SYNPO2: variants seen among roughly 807,000 people sequenced by gnomAD.
The protein encoded by SYNPO2 is synaptopodin-2.
Under a neutral mutation model 85.0 loss-of-function variants are expected in SYNPO2, and 56 were observed. The observed-to-expected ratio is 0.66, with a 90% CI of 0.53 to 0.82. The LOEUF is 0.82. Among genes scored for constraint, SYNPO2 ranks in the 40% least tolerant of loss-of-function variants. The probability of loss-of-function intolerance (pLI) is 0.00; values close to 1 mark genes in which losing one functional copy is unlikely to be tolerated. For missense variants in SYNPO2, 1,575 were observed against 1,534.2 expected, an observed-to-expected ratio of 1.03 and a Z score of -0.44; for synonymous variants, 602 against 591.1, an observed-to-expected ratio of 1.02 and a Z score of -0.27.
At chr4:118,916,265 T>G (rs1016405732) in intron 1 of SYNPO2, among the ~76,000 whole-genome samples, 3 of 151,912 alleles carry the variant, frequency 2.0e-5, no homozygotes, top group African/African-American at 4.8e-5. Flanking sequence ...CTCAACCTGC[T>G]GGGCTCAAGT....
At chr4:118,948,517 A>G (rs1734580740) in intron 1 of SYNPO2, among the ~76,000 whole-genome samples, 1 of 152,192 alleles carries the variant, frequency 6.6e-6, no homozygotes, top group Non-Finnish European at 1.5e-5. Flanking sequence ...TGGATAATTT[A>G]TAAAGAAAAG....
chr4:118,885,469 C>CTTTTTTTT (rs200816127), upstream of SYNPO2, among the ~76,000 whole-genome samples: 2 of 140,932 alleles, frequency 1.4e-5, no homozygotes, highest in Non-Finnish European at 1.5e-5. Context: ...ATCCATAGGT[C>CTTTTTTTT]TTTTTTTTTT....
At chr4:118,963,717 T>C (rs1735192728) in intron 1 of SYNPO2, among the ~76,000 whole-genome samples, 1 of 152,220 alleles carries the variant, frequency 6.6e-6, no homozygotes, top group African/African-American at 2.4e-5. Context: ...TTTTTAAAAA[T>C]TAGTTTTAGT....
At chr4:118,866,691 A>G (rs1435076655) in intron 1 of SYNPO2, among the ~76,000 whole-genome samples, 1 of 152,140 alleles carries the variant, frequency 6.6e-6, no homozygotes, top group African/African-American at 2.4e-5. Flanking sequence ...TTCTCATGAT[A>G]GAGTTTCCAC....
In SYNPO2 at chr4:119,027,098, G is replaced by T; in HGVS notation, c.729G>T (p.Ser243=). 6.2e-7 allele frequency: 1 copy of T among 1,614,054 alleles called. No individual in the cohort carries two copies. Among genetic ancestry groups the T allele is most frequent in the Admixed American group, 1.7e-5 (1 of 60,006 alleles). The change falls in exon 3 of 5, where the codon TCG becomes TCT. Residue 243 remains serine, a synonymous_variant. Transcript: ENST00000307142. ...ATGACAGGATTGTCCACATAAATTC[G>T]ATCCCTACTAATGAGAAAGCAGACC... The part of the protein sequence containing the change: ...LSHDRIVHIN[S]IPTNEKADPF...
intron 4 of SYNPO2, chr4:119,033,159 T>A: frequency 3.0e-6 from 3 of 985,434 alleles, no homozygotes; most frequent in Non-Finnish European, 3.6e-6. Context: ...GGGCTGATTG[T>A]GAAGCACGAG....
At chr4:118,919,121 A>G (rs1733451151) in intron 1 of SYNPO2, among the ~76,000 whole-genome samples, 1 of 152,202 alleles carries the variant, frequency 6.6e-6, no homozygotes, top group Non-Finnish European at 1.5e-5. Context: ...CAAGTATTCA[A>G]AAATACTCAT....
chr4:118,993,088 C>A (rs1319046226), intron 1 of SYNPO2, among the ~76,000 whole-genome samples: 1 of 152,142 alleles, frequency 6.6e-6, no homozygotes, highest in Non-Finnish European at 1.5e-5. Flanking sequence ...AATGGGAAAC[C>A]AGTGTTAGTC....
At chr4:119,037,509 T>A in intron 4 of SYNPO2, 27 of 1,006,040 alleles carry the variant, frequency 2.7e-5, no homozygotes, top group Non-Finnish European at 3.1e-5. Context: ...GAATCTTTGA[T>A]ACTTTTATTT....
intron 1 of SYNPO2, among the ~76,000 whole-genome samples, chr4:118,925,500 C>T (rs1323474181): frequency 2.0e-5 from 3 of 152,104 alleles, no homozygotes; most frequent in African/African-American, 7.2e-5. Flanking sequence ...TTAGTACAAG[C>T]CCCAGGTCTG....
At position 118,947,003 on chromosome 4, in the gene SYNPO2, A is replaced by G. The variant is rs576947954; in HGVS notation, c.105+57862A>G. 2.0e-4 allele frequency among the ~76,000 whole-genome samples: 30 copies of G among 152,278 alleles called. No homozygotes were observed. In the South Asian group the frequency reaches 6.2e-3, roughly 32 times the overall value. ...AGGAAGTCACAGTTGCTTTCCTGTGACTTTGTGAAGTCACAGCTAAAATTC... is the reference window on the plus strand; with the variant it reads ...AGGAAGTCACAGTTGCTTTCCTGTGGCTTTGTGAAGTCACAGCTAAAATTC... On this transcript the variant is annotated intron_variant, in intron 1 of 4. Coordinates refer to ENST00000307142, the MANE Select transcript of SYNPO2 (RefSeq NM_133477.3).
intron 1 of SYNPO2, among the ~76,000 whole-genome samples, chr4:118,881,314 AAAGAAG>A (rs906268633): frequency 6.6e-6 from 1 of 151,430 alleles, no homozygotes; most frequent in Non-Finnish European, 1.5e-5. Flanking sequence ...AAAAAAAAAA[AAAGAAG>A]AAGAAGAAGA....
In SYNPO2 at chr4:119,018,993, T is replaced by C. The variant is rs1403811519; in HGVS notation, c.106-4437T>C. Among the ~76,000 whole-genome samples, 5 of 152,126 alleles carry C rather than the reference T, an allele frequency of 3.3e-5. 1 individual carries two copies. In the South Asian group the frequency reaches 6.2e-4, roughly 19 times the overall value. ...TTGGTAAGCTGCATGTTCTCACTTA[T>C]AAGTGGGAGCTAAATGATAAGAACT... is the stretch of plus-strand genomic sequence containing the variant. On this transcript the variant is annotated intron_variant, in intron 1 of 4. Coordinates refer to ENST00000307142, the MANE Select transcript of SYNPO2 (RefSeq NM_133477.3).
At chr4:118,853,315 C>G (rs1560794368) in intron 1 of SYNPO2, among the ~76,000 whole-genome samples, 1 of 152,032 alleles carries the variant, frequency 6.6e-6, no homozygotes, top group Non-Finnish European at 1.5e-5. Flanking sequence ...TCATTATGAC[C>G]CAGTTTGCCC....
chr4:118,881,621 A>ACGACTG (rs1296875176), intron 1 of SYNPO2, among the ~76,000 whole-genome samples: 1 of 152,210 alleles, frequency 6.6e-6, no homozygotes, highest in Admixed American at 6.5e-5. Flanking sequence ...GCGTCCCCTT[A>ACGACTG]CGACTGCGAG....
intron 1 of SYNPO2, among the ~76,000 whole-genome samples, chr4:118,939,503 C>G: frequency 6.6e-6 from 1 of 152,132 alleles, no homozygotes. Flanking sequence ...GCTTTGTAGG[C>G]TTTTGTAAGA....
At chr4:118,965,974 G>A (rs1301518832) in intron 1 of SYNPO2, among the ~76,000 whole-genome samples, 2 of 151,996 alleles carry the variant, frequency 1.3e-5, no homozygotes, top group Non-Finnish European at 2.9e-5. Context: ...AGGATTGCTT[G>A]AGCCCAGGAG....
chr4:119,023,651 A>G, intron 2 of SYNPO2, 70 bp downstream of exon 2: 4 of 1,448,536 alleles, frequency 2.8e-6, no homozygotes, highest in South Asian at 1.6e-5. Context: ...CTTTTACTAC[A>G]TATATAACTT....
chr4:118,992,239 G>A (rs778442777), intron 1 of SYNPO2, among the ~76,000 whole-genome samples: 9 of 152,326 alleles, frequency 5.9e-5, no homozygotes, highest in Non-Finnish European at 1.3e-4. Flanking sequence ...TTATGGTAGT[G>A]TAGAGGATGG....
Sources: allele counts gnomAD v4.1 joint callset (sites outside exome capture counted in the v4.1 genomes callset), GRCh38; gene constraint gnomAD v4.1.1; transcripts MANE v1.5; gene names NCBI Gene and HGNC (gene_info 2026-07-23, HGNC 2026-07-21).